The following CFAP61 variants were observed in gnomAD, a reference collection of about 807,000 sequenced individuals.
The protein encoded by CFAP61 is cilia- and flagella-associated protein 61.
CFAP61 carries 107 observed loss-of-function variants against 135.6 expected under a neutral mutation model. The observed-to-expected ratio is 0.79, with a 90% CI of 0.67 to 0.93. The LOEUF (loss-of-function observed/expected upper bound fraction) is 0.93. CFAP61 is among the 40% of genes least tolerant of loss of function. CFAP61 has a pLI of 0.00. For synonymous variants in CFAP61, 575 were observed against 578.5 expected, an observed-to-expected ratio of 0.99 and a Z score of 0.09; for missense variants, 1,507 against 1,556.2, an observed-to-expected ratio of 0.97 and a Z score of 0.53.
At chr20:20,198,704 C>T (rs1237220328) in intron 16 of CFAP61, among the ~76,000 whole-genome samples, 1 of 152,158 alleles carries the variant, frequency 6.6e-6, no homozygotes, top group African/African-American at 2.4e-5. Flanking sequence ...GGCATAAAAA[C>T]AGGGTGCTGG....
chr20:20,088,706 C>T (rs534542033), intron 6 of CFAP61, among the ~76,000 whole-genome samples: 81 of 152,122 alleles, frequency 5.3e-4, no homozygotes, highest in African/African-American at 1.9e-3. Flanking sequence ...GGTGATGGTC[C>T]CTCCCATCCC....
intron 2 of CFAP61, among the ~76,000 whole-genome samples, chr20:20,062,634 A>T (rs922764970): frequency 1.3e-4 from 20 of 152,198 alleles, no homozygotes; most frequent in African/African-American, 4.6e-4. Context: ...AAAAAAGAAA[A>T]ACTTTCAAAG....
At chr20:20,064,906 G>A (rs972362767) in intron 2 of CFAP61, among the ~76,000 whole-genome samples, 55 of 152,150 alleles carry the variant, frequency 3.6e-4, no homozygotes, top group African/African-American at 1.3e-3. Context: ...GAAAAATAAG[G>A]TGGAGAGGCT....
At chr20:20,293,804 A>G (rs2055182982) in intron 24 of CFAP61, among the ~76,000 whole-genome samples, 2 of 152,224 alleles carry the variant, frequency 1.3e-5, no homozygotes, top group Non-Finnish European at 2.9e-5. Flanking sequence ...CGTATATACC[A>G]TGGAAGAAAG....
At chr20:20,209,038 CA>C (rs2047440513) in intron 17 of CFAP61, among the ~76,000 whole-genome samples, 1 of 152,198 alleles carries the variant, frequency 6.6e-6, no homozygotes, top group Non-Finnish European at 1.5e-5. Context: ...TTCATGTCTT[CA>C]TTATAAGTTA....
chr20:20,307,700 T>C (rs911633805), intron 25 of CFAP61, among the ~76,000 whole-genome samples: 1 of 152,262 alleles, frequency 6.6e-6, no homozygotes, highest in Non-Finnish European at 1.5e-5. Context: ...TTGAATATGC[T>C]TGTTTTCAGA....
intron 17 of CFAP61, among the ~76,000 whole-genome samples, chr20:20,205,949 C>T (rs1055575771): frequency 1.3e-5 from 2 of 151,930 alleles, no homozygotes; most frequent in Non-Finnish European, 2.9e-5. Flanking sequence ...GGTTTCAGAA[C>T]CCAAGTAAGT....
In CFAP61 at chr20:20,055,900, C is replaced by A. The variant is rs1406068228; in HGVS notation, c.-36-718C>A. The A allele has an allele frequency of 4.3e-6, 6 of 1,406,850 alleles. No homozygotes were observed. The South Asian group carries it at 7.0e-5, about 16-fold the overall frequency. 87.1% of individuals were successfully genotyped at this position (1,406,850 alleles called of 1,614,324 possible). A position where few individuals can be genotyped will look rare whatever the true frequency, so the allele number is the denominator to read the frequency against. ...GAGGGAAAGAGAGAAGAGAGACTTA[C>A]AGAAATTGAGACAATGAGAGAGAAA... On this transcript the variant is annotated intron_variant, in intron 1 of 26. Coordinates refer to ENST00000245957, the MANE Select transcript of CFAP61 (RefSeq NM_015585.4).
At chr20:20,160,654 A>T (rs1199906873) in intron 10 of CFAP61, among the ~76,000 whole-genome samples, 4 of 151,758 alleles carry the variant, frequency 2.6e-5, no homozygotes, top group African/African-American at 9.8e-5. Context: ...ATGTGCTGTC[A>T]GAAAGAGAAA....
At chr20:20,143,433 A>C (rs370112634) in intron 9 of CFAP61, among the ~76,000 whole-genome samples, 1 of 152,200 alleles carries the variant, frequency 6.6e-6, no homozygotes, top group Non-Finnish European at 1.5e-5. Flanking sequence ...AAAGAAGATT[A>C]TGTGGCATGG....
intron 17 of CFAP61, among the ~76,000 whole-genome samples, chr20:20,200,205 T>C (rs967507787): frequency 6.6e-6 from 1 of 152,246 alleles, no homozygotes; most frequent in Admixed American, 6.5e-5. Context: ...TATTTTCATT[T>C]TCTTTCCCTG....
chr20:20,317,786 C>T (rs115888103), intron 25 of CFAP61, among the ~76,000 whole-genome samples: 5,657 of 152,186 alleles, frequency 0.037, 361 homozygotes, highest in African/African-American at 0.13. Context: ...AGTTTCACGG[C>T]ATTAATAATC....
chr20:20,092,728 C>G (rs1232763449), intron 7 of CFAP61, among the ~76,000 whole-genome samples: 1 of 152,202 alleles, frequency 6.6e-6, no homozygotes, highest in Admixed American at 6.5e-5. Flanking sequence ...CCAATAAGCA[C>G]ATGAAAAGAC....
intron 10 of CFAP61, among the ~76,000 whole-genome samples, chr20:20,163,779 A>AC (rs2053598499): frequency 2.1e-5 from 3 of 144,644 alleles, no homozygotes; most frequent in African/African-American, 7.8e-5. Flanking sequence ...TTTCCCCCCG[A>AC]CCCCCCTGAC....
intron 17 of CFAP61, among the ~76,000 whole-genome samples, chr20:20,214,796 C>G (rs1410089580): frequency 6.6e-6 from 1 of 152,222 alleles, no homozygotes; most frequent in Admixed American, 6.5e-5. Flanking sequence ...CTGGCCTCCT[C>G]AGTATTCTGC....
intron 6 of CFAP61, among the ~76,000 whole-genome samples, chr20:20,089,997 T>C (rs925075259): frequency 1.3e-5 from 2 of 152,218 alleles, no homozygotes; most frequent in Admixed American, 6.5e-5. Flanking sequence ...AATATGTAAC[T>C]ATGAAACAGG....
At chr20:20,110,031 C>T (rs2146667058) in intron 8 of CFAP61, among the ~76,000 whole-genome samples, 1 of 151,974 alleles carries the variant, frequency 6.6e-6, no homozygotes, top group East Asian at 1.9e-4. Flanking sequence ...CTCAGCCTCC[C>T]TAGTAGCTGG....
chr20:20,158,295 C>G (rs1180489274), intron 9 of CFAP61, among the ~76,000 whole-genome samples: 3 of 141,848 alleles, frequency 2.1e-5, no homozygotes, highest in Non-Finnish European at 4.5e-5. Flanking sequence ...TGGCCAAATA[C>G]TGTTATTGTG....
chr20:20,086,368 C>T (rs1365226111), intron 6 of CFAP61, among the ~76,000 whole-genome samples: 1 of 138,334 alleles, frequency 7.2e-6, no homozygotes, highest in Admixed American at 7.7e-5. Flanking sequence ...TTCCTGTGTC[C>T]ATGTGTTCTC....
Sources: allele counts gnomAD v4.1 joint callset (sites outside exome capture counted in the v4.1 genomes callset), GRCh38; gene constraint gnomAD v4.1.1; transcripts MANE v1.5; gene names NCBI Gene and HGNC (gene_info 2026-07-23, HGNC 2026-07-21).